TRAT1: variants seen among roughly 807,000 people sequenced by gnomAD.
TRAT1 encodes T-cell receptor-associated transmembrane adapter 1.
In TRAT1, 20 loss-of-function variants were observed where a neutral mutation model predicts 20.0. That is an observed-to-expected ratio of 1.00 (90% confidence interval 0.70 to 1.45). The LOEUF (loss-of-function observed/expected upper bound fraction) is 1.45. Among genes scored for constraint, TRAT1 ranks in the 40% most tolerant of loss-of-function variants. TRAT1 has a pLI of 0.00. For synonymous variants in TRAT1, 77 were observed against 74.2 expected (o/e 1.04, Z -0.20); for missense variants, 237 against 224.1 (o/e 1.06, Z -0.37).
chr3:108,848,124 T>G (rs908914559), intron 4 of TRAT1, among the ~76,000 whole-genome samples: 1 of 152,232 alleles, frequency 6.6e-6, no homozygotes. Flanking sequence ...CAAATTCTTA[T>G]GTATTCTGAT....
intron 4 of TRAT1, 68 bp from the exon 5 acceptor site, chr3:108,849,098 A>G (rs1945972630): frequency 7.7e-7 from 1 of 1,293,018 alleles, no homozygotes. Flanking sequence ...TGTTTGGATC[A>G]TGTATTTTTA....
At chr3:108,833,918 C>T (rs1945817261) in intron 2 of TRAT1, among the ~76,000 whole-genome samples, 2 of 152,006 alleles carry the variant, frequency 1.3e-5, no homozygotes, top group African/African-American at 2.4e-5. Flanking sequence ...TTGTTTCCTT[C>T]CTTCTTTCCA....
At chr3:108,848,087 G>A (rs1244516955) in intron 4 of TRAT1, among the ~76,000 whole-genome samples, 1 of 152,156 alleles carries the variant, frequency 6.6e-6, no homozygotes, top group Non-Finnish European at 1.5e-5. Flanking sequence ...GGAGAATCAT[G>A]TTAGTCACCT....
intron 3 of TRAT1, among the ~76,000 whole-genome samples, chr3:108,840,827 C>T (rs1050265701): frequency 1.3e-5 from 2 of 152,182 alleles, no homozygotes; most frequent in Admixed American, 1.3e-4. Context: ...CAAAGGACAA[C>T]CAAAGTCTAA....
intron 2 of TRAT1, among the ~76,000 whole-genome samples, chr3:108,838,431 T>C (rs1945860527): frequency 6.6e-6 from 1 of 152,122 alleles, no homozygotes; most frequent in Non-Finnish European, 1.5e-5. Flanking sequence ...AAGTCTCCTA[T>C]TGATTTTTTT....
intron 2 of TRAT1, 124 bp from the exon 3 acceptor site, chr3:108,838,810 T>A: frequency 1.3e-6 from 1 of 773,986 alleles, no homozygotes; most frequent in South Asian, 1.5e-5. Flanking sequence ...AGAGGTGCCC[T>A]GAGAGCCTTG....
intron 2 of TRAT1, among the ~76,000 whole-genome samples, chr3:108,836,204 C>T (rs180981672): frequency 6.6e-6 from 1 of 152,286 alleles, no homozygotes; most frequent in African/African-American, 2.4e-5. Flanking sequence ...AGGCATGAGC[C>T]ACCGTGCCCG....
chr3:108,830,593 T>G, intron 1 of TRAT1, 77 bp from the exon 2 acceptor site: 1 of 903,432 alleles, frequency 1.1e-6, no homozygotes, highest in East Asian at 2.4e-5. Flanking sequence ...GCAACAGCTT[T>G]AACTGTGGCA....
chr3:108,847,213 C>G (rs878989525), intron 4 of TRAT1, 84 bp downstream of exon 4: 3 of 780,196 alleles, frequency 3.8e-6, no homozygotes, highest in Non-Finnish European at 6.3e-6. Context: ...TTAAAAAAAT[C>G]AAATCACACT....
chr3:108,836,540 C>T (rs1945843996), intron 2 of TRAT1, among the ~76,000 whole-genome samples: 1 of 152,090 alleles, frequency 6.6e-6, no homozygotes, highest in South Asian at 2.1e-4. Context: ...AAATATCATA[C>T]CATCTTAATA....
At chr3:108,839,158 A>G in intron 3 of TRAT1, 191 bp downstream of exon 3, 1 of 550,364 alleles carries the variant, frequency 1.8e-6, no homozygotes, top group Non-Finnish European at 3.2e-6. Context: ...AGTTATTTGC[A>G]CACTGTGAGT....
intron 3 of TRAT1, among the ~76,000 whole-genome samples, chr3:108,841,588 G>A (rs902806606): frequency 6.6e-6 from 1 of 152,042 alleles, no homozygotes; most frequent in Middle Eastern, 3.4e-3. Flanking sequence ...TATCGCACTG[G>A]GTTCTCTGTT....
chr3:108,825,541 T>C (rs1298016449), intron 1 of TRAT1, among the ~76,000 whole-genome samples: 1 of 152,154 alleles, frequency 6.6e-6, no homozygotes, highest in Non-Finnish European at 1.5e-5. Flanking sequence ...ACGTGTAAAT[T>C]ATCTTTTAAA....
chr3:108,825,886 A>G (rs1056244293), intron 1 of TRAT1, among the ~76,000 whole-genome samples: 1 of 152,168 alleles, frequency 6.6e-6, no homozygotes, highest in Non-Finnish European at 1.5e-5. Context: ...GGATCTTACT[A>G]AGGTTCTTCT....
intron 1 of TRAT1, among the ~76,000 whole-genome samples, chr3:108,825,437 A>G (rs1170623137): frequency 2.0e-5 from 3 of 152,094 alleles, no homozygotes; most frequent in Non-Finnish European, 4.4e-5. Flanking sequence ...AAAAAAAAGG[A>G]GTCTCATTGT....
rs1157389802 is a variant in TRAT1 at position 108,853,608 on chromosome 3, C to T, written c.304-12C>T. On this transcript the variant is annotated splice_polypyrimidine_tract_variant and intron_variant, in intron 5 of 5. Coordinates refer to ENST00000295756, the MANE Select transcript of TRAT1 (RefSeq NM_016388.4). Reference sequence around the variant, plus strand: ...AGACTAACAATGAAAAATTAACATCCCTTTCTTTTAGGCAACCAATGAAAC... The same window carrying T: ...AGACTAACAATGAAAAATTAACATCTCTTTCTTTTAGGCAACCAATGAAAC... The T allele has an allele frequency of 1.2e-6, 2 of 1,608,294 alleles. No homozygotes were observed. Among genetic ancestry groups the T allele is most frequent in the African/African-American group, 1.3e-5 (1 of 74,606 alleles).
intron 1 of TRAT1, among the ~76,000 whole-genome samples, chr3:108,827,382 G>A (rs910459413): frequency 2.0e-5 from 2 of 100,118 alleles, no homozygotes; most frequent in African/African-American, 3.7e-5. Flanking sequence ...AAGTATGTGT[G>A]TATGTGTGTG....
chr3:108,825,131 T>C (rs1271758541), intron 1 of TRAT1, among the ~76,000 whole-genome samples: 5 of 152,124 alleles, frequency 3.3e-5, no homozygotes, highest in African/African-American at 1.2e-4. Flanking sequence ...TAGTATTTTT[T>C]ATATTTAGAT....
intron 2 of TRAT1, among the ~76,000 whole-genome samples, chr3:108,838,238 G>A (rs1945856205): frequency 6.6e-6 from 1 of 152,094 alleles, no homozygotes; most frequent in East Asian, 1.9e-4. Context: ...TTTGTACAAT[G>A]TGGATGAAAT....
Sources: allele counts gnomAD v4.1 joint callset (sites outside exome capture counted in the v4.1 genomes callset), GRCh38; gene constraint gnomAD v4.1.1; transcripts MANE v1.5; gene names NCBI Gene and HGNC (gene_info 2026-07-23, HGNC 2026-07-21).